COL4A3: variants seen among roughly 807,000 people sequenced by gnomAD.
COL4A3 encodes collagen type IV alpha 3 chain.
In COL4A3, 135 loss-of-function variants were observed where a neutral mutation model predicts 217.4. That is an observed-to-expected ratio of 0.62 (90% CI 0.54 to 0.72). The LOEUF (loss-of-function observed/expected upper bound fraction) is 0.72, where lower values mean the gene tolerates loss of function less well. COL4A3 is among the 30% of genes least tolerant of loss of function. The pLI is 0.00. For missense variants in COL4A3, 1,868 were observed against 2,119.9 expected, an observed-to-expected ratio of 0.88 and a Z score of 2.33; for synonymous variants, 690 against 736.3, an observed-to-expected ratio of 0.94 and a Z score of 1.02.
In COL4A3 at chr2:227,204,398, A is replaced by AT. The variant is rs528054207; in HGVS notation, c.88-33564dup. On this transcript the variant is annotated intron_variant, in intron 1 of 51. Transcript: ENST00000396578. Reference sequence around the variant, plus strand: ...TCTTTCTCTATCTTATGTTCTCACTATTTTTTCTTCTCTTTTTAGGCTTCA... The same window carrying AT: ...TCTTTCTCTATCTTATGTTCTCACTATTTTTTTCTTCTCTTTTTAGGCTTCA... Among the ~76,000 whole-genome samples, 978 of 151,280 alleles carry AT rather than the reference A, an allele frequency of 6.5e-3. 3 individuals carry two copies. The highest frequency in any genetic ancestry group is 0.015 in the Admixed American group (230 of 15,196).
intron 8 of COL4A3, among the ~76,000 whole-genome samples, chr2:227,247,982 C>G (rs1232052165): frequency 6.6e-6 from 1 of 152,106 alleles, no homozygotes; most frequent in East Asian, 1.9e-4. Context: ...CTCTGTTGCC[C>G]AGGCTGGAGT....
intron 11 of COL4A3, among the ~76,000 whole-genome samples, chr2:227,252,941 T>A (rs1472112562): frequency 3.3e-5 from 5 of 152,172 alleles, no homozygotes; most frequent in Non-Finnish European, 5.9e-5. Context: ...TTCTTATTTT[T>A]AAAACAAGAA....
chr2:227,171,635 A>G (rs1220882725), intron 1 of COL4A3, among the ~76,000 whole-genome samples: 1 of 152,188 alleles, frequency 6.6e-6, no homozygotes, highest in Non-Finnish European at 1.5e-5. Context: ...GGAGGCTGGA[A>G]AGTCCAAGAT....
chr2:227,202,929 ATATG>A (rs2066801164), intron 1 of COL4A3, among the ~76,000 whole-genome samples: 1 of 37,092 alleles, frequency 2.7e-5, no homozygotes, highest in African/African-American at 1.6e-4. Context: ...ATATGTGTAT[ATATG>A]TGTATATATG....
intron 2 of COL4A3, chr2:227,238,242 A>C (rs1574653826): frequency 2.4e-6 from 1 of 418,800 alleles, no homozygotes; most frequent in East Asian, 4.4e-5. Context: ...ATGGCAATTA[A>C]ATTACAACTC....
chr2:227,266,513 G>C lies in COL4A3; in HGVS notation c.1408+4G>C. 5.0e-6 allele frequency: 8 copies of C among 1,610,128 alleles called. No individual in the cohort carries two copies. Among genetic ancestry groups the C allele is most frequent in the Non-Finnish European group, 5.9e-6 (7 of 1,176,644 alleles). On this transcript the variant is annotated splice_donor_region_variant and intron_variant, in intron 22 of 51. Transcript: ENST00000396578. Reference sequence around the variant, plus strand: ...CCAGGAGTTGATGGGCCCAAAGGTTGGTTCAATCAATAATGTTGTATTAGG... The same window carrying C: ...CCAGGAGTTGATGGGCCCAAAGGTTCGTTCAATCAATAATGTTGTATTAGG...
In COL4A3 at chr2:227,164,711, T is replaced by TG. The variant is rs1559782754; in HGVS notation, c.-15dup. The TG allele has an allele frequency of 2.0e-6, 3 of 1,530,538 alleles. No individual in the cohort carries two copies. The highest frequency in any genetic ancestry group is 2.6e-6 in the Non-Finnish European group (3 of 1,145,216). 94.8% of individuals were successfully genotyped at this position (1,530,538 alleles called of 1,614,324 possible). On this transcript the variant is annotated 5_prime_UTR_variant, in exon 1 of 52. Coordinates refer to ENST00000396578, the MANE Select transcript of COL4A3 (RefSeq NM_000091.5). This position sits in a 1 kb window ranked among gnomAD's most constrained non-coding sequence, Gnocchi z 4.8. ...AGGGTCCCCGGACTCGCCCAGGCTC[T>TG]GAGCGCGCGCCCACCATGAGCGCCC...
intron 1 of COL4A3, among the ~76,000 whole-genome samples, chr2:227,187,758 C>T (rs1344265891): frequency 1.3e-5 from 2 of 152,156 alleles, no homozygotes; most frequent in East Asian, 1.9e-4. Flanking sequence ...TCTGCCTACT[C>T]AGCTTCCACA....
At chr2:227,310,154 A>G (rs2073685829) in intron 50 of COL4A3, among the ~76,000 whole-genome samples, 1 of 152,240 alleles carries the variant, frequency 6.6e-6, no homozygotes, top group African/African-American at 2.4e-5. Context: ...AGCAAAGAAA[A>G]ATAGTCTTTT....
intron 1 of COL4A3, among the ~76,000 whole-genome samples, chr2:227,192,525 C>T (rs2066284641): frequency 2.6e-5 from 4 of 152,170 alleles, no homozygotes; most frequent in Admixed American, 2.6e-4. Context: ...CCTGTCCCAC[C>T]CTTGGTATTG....
intron 23 of COL4A3, 24 bp downstream of exon 23, chr2:227,267,112 G>C (rs754088045): frequency 6.5e-7 from 1 of 1,547,138 alleles, no homozygotes; most frequent in East Asian, 2.2e-5. Context: ...GCATGCAAGT[G>C]TTTTTGCAAG....
chr2:227,277,725 C>A (rs561097050), intron 28 of COL4A3, among the ~76,000 whole-genome samples, 172 bp downstream of exon 28: 9 of 152,046 alleles, frequency 5.9e-5, no homozygotes, highest in African/African-American at 2.2e-4. Flanking sequence ...TCTGGCCAGG[C>A]GCAGTGGCTA....
chr2:227,270,522 T>C (rs1370776072), intron 24 of COL4A3, among the ~76,000 whole-genome samples: 1 of 152,268 alleles, frequency 6.6e-6, no homozygotes, highest in Non-Finnish European at 1.5e-5. Context: ...GTGATTGTTC[T>C]ATGGTATTAA....
At position 227,253,232 on chromosome 2, in the gene COL4A3, T is replaced by G; in HGVS notation, c.646-64T>G. ...TCCCTTACAAATATTGGAACTTTGA[T>G]GGGTTTAGACTATTTATTCATATTT... On this transcript the variant is annotated intron_variant, in intron 11 of 51. Transcript: ENST00000396578. The surrounding 1 kb of genome is among the most constrained non-coding windows in gnomAD (Gnocchi z 4.4). 1 of 1,331,576 alleles carries G rather than the reference T, an allele frequency of 7.5e-7. No homozygotes were observed. The highest frequency in any genetic ancestry group is 1.1e-6 in the Non-Finnish European group (1 of 930,916). 82.5% of individuals were successfully genotyped at this position (1,331,576 alleles called of 1,614,324 possible).
intron 1 of COL4A3, among the ~76,000 whole-genome samples, chr2:227,223,409 A>T (rs2067915907): frequency 6.6e-6 from 1 of 152,166 alleles, no homozygotes; most frequent in Admixed American, 6.5e-5. Context: ...ATGGGGAAAA[A>T]TATCCCAAAC....
intron 37 of COL4A3, among the ~76,000 whole-genome samples, chr2:227,292,777 A>G (rs2072822189): frequency 6.6e-6 from 1 of 152,152 alleles, no homozygotes; most frequent in Non-Finnish European, 1.5e-5. Context: ...TGATTATTTA[A>G]TATCTATCTC....
intron 1 of COL4A3, among the ~76,000 whole-genome samples, chr2:227,210,141 C>T (rs539467630): frequency 1.3e-5 from 2 of 152,300 alleles, no homozygotes; most frequent in East Asian, 3.9e-4. Context: ...CATTGTTGAA[C>T]CAAACCTTAA....
intron 43 of COL4A3, among the ~76,000 whole-genome samples, chr2:227,299,993 A>G (rs576029478): frequency 1.3e-5 from 2 of 152,184 alleles, no homozygotes; most frequent in African/African-American, 2.4e-5. Context: ...ATGCCTGCCA[A>G]TGTTTCTAAA....
intron 8 of COL4A3, among the ~76,000 whole-genome samples, chr2:227,247,988 G>A (rs2069453008): frequency 6.6e-6 from 1 of 152,102 alleles, no homozygotes; most frequent in Non-Finnish European, 1.5e-5. Context: ...TGCCCAGGCT[G>A]GAGTACAGTG....
Sources: gnomAD v4.1 joint callset for allele counts (sites outside exome capture counted in the v4.1 genomes callset) on GRCh38, gnomAD v4.1.1 for gene constraint, Gnocchi (gnomAD v3.1) non-coding constraint, MANE v1.5 for transcripts, NCBI Gene and HGNC (gene_info 2026-07-23, HGNC 2026-07-21) for gene names.